Variants in SORCS3 observed in about 807,000 individuals in gnomAD.
SORCS3 encodes the protein VPS10 domain-containing receptor SorCS3.
A neutral mutation model predicts 146.3 loss-of-function variants in SORCS3; 57 were observed. The ratio of observed to expected loss-of-function variants is 0.39; its 90% CI spans 0.31 to 0.49. The LOEUF (loss-of-function observed/expected upper bound fraction) is 0.49. Among genes scored for constraint, SORCS3 ranks in the 20% least tolerant of loss-of-function variants. The pLI is 0.92. For synonymous variants in SORCS3, 653 were observed against 618.5 expected, an observed-to-expected ratio of 1.06 and a Z score of -0.83; for missense variants, 1,341 against 1,575.5, an observed-to-expected ratio of 0.85 and a Z score of 2.52.
Position 105,093,962 on chromosome 10 carries a change from A to G in SORCS3, c.1093+4123A>G, listed in dbSNP as rs1589629664. The stretch of plus-strand genomic sequence containing the variant: ...TGTCTGTAGAGATTTATTAATAATC[A>G]CCAAAAACTGGAAACAAATATCTTT... On this transcript the variant is annotated intron_variant, in intron 6 of 26. Transcript: ENST00000369701. 2.0e-5 allele frequency among the ~76,000 whole-genome samples: 3 copies of G among 152,222 alleles called. No individual in the cohort carries two copies. In the East Asian group the frequency reaches 5.8e-4, roughly 29 times the overall value.
chr10:105,100,807 T>C (rs2055779055), intron 6 of SORCS3, among the ~76,000 whole-genome samples: 1 of 152,252 alleles, frequency 6.6e-6, no homozygotes, highest in Admixed American at 6.5e-5. Context: ...CTCTTCATAA[T>C]AAAAAATAAC....
intron 4 of SORCS3, among the ~76,000 whole-genome samples, chr10:104,997,968 C>CT (rs1306874912): frequency 6.6e-6 from 1 of 152,076 alleles, no homozygotes; most frequent in East Asian, 1.9e-4. Flanking sequence ...AGGAAATGGC[C>CT]TTTGTAGACT....
chr10:105,119,016 A>G (rs1249421510), intron 7 of SORCS3, among the ~76,000 whole-genome samples: 2 of 152,230 alleles, frequency 1.3e-5, no homozygotes, highest in South Asian at 2.1e-4. Context: ...TCCAGGGCAC[A>G]TCAGAGGTCA....
chr10:104,959,651 A>G (rs554462445), intron 3 of SORCS3, among the ~76,000 whole-genome samples: 2 of 152,254 alleles, frequency 1.3e-5, no homozygotes, highest in African/African-American at 4.8e-5. Flanking sequence ...AGGGTAGAGC[A>G]AGGATCAAGG....
chr10:105,241,809 T>C (rs1237083889), intron 20 of SORCS3, among the ~76,000 whole-genome samples: 2 of 152,134 alleles, frequency 1.3e-5, no homozygotes, highest in Non-Finnish European at 2.9e-5. Context: ...ATGGGGATTG[T>C]GTGCTGACTG....
At chr10:104,888,349 G>T (rs952595399) in intron 2 of SORCS3, among the ~76,000 whole-genome samples, 1 of 152,198 alleles carries the variant, frequency 6.6e-6, no homozygotes, top group African/African-American at 2.4e-5. Flanking sequence ...AATGCTGGCC[G>T]ATCCAAGAAA....
intron 6 of SORCS3, among the ~76,000 whole-genome samples, chr10:105,100,031 T>C (rs1429039954): frequency 1.3e-5 from 2 of 152,118 alleles, no homozygotes. Context: ...CCATATGAGA[T>C]CCTTGGTCCC....
chr10:104,848,285 C>T (rs1396457508), intron 2 of SORCS3, among the ~76,000 whole-genome samples: 1 of 151,938 alleles, frequency 6.6e-6, no homozygotes, highest in African/African-American at 2.4e-5. Context: ...CACTTATTTC[C>T]TCCTTAATTG....
intron 7 of SORCS3, among the ~76,000 whole-genome samples, chr10:105,120,867 G>A (rs10884094): frequency 0.48 from 73,636 of 152,014 alleles, 18,377 homozygotes; most frequent in Non-Finnish European, 0.54. Context: ...TGTTATTGTG[G>A]TTTGGTAGAA....
intron 4 of SORCS3, among the ~76,000 whole-genome samples, chr10:105,031,360 CACAA>C (rs1237766597): frequency 3.3e-3 from 482 of 145,878 alleles, no homozygotes; most frequent in Middle Eastern, 6.9e-3. Context: ...CACACACACA[CACAA>C]AAACATGTAT....
chr10:105,251,111 G>C (rs536669919), intron 22 of SORCS3, among the ~76,000 whole-genome samples: 1 of 152,118 alleles, frequency 6.6e-6, no homozygotes, highest in Non-Finnish European at 1.5e-5. Flanking sequence ...TTGTATACCC[G>C]AAACTGGGTA....
intron 21 of SORCS3, among the ~76,000 whole-genome samples, chr10:105,246,760 C>G (rs1285412575): frequency 6.6e-6 from 1 of 152,200 alleles, no homozygotes; most frequent in Non-Finnish European, 1.5e-5. Flanking sequence ...ACTCACCAAC[C>G]AGGTCAAGAT....
intron 4 of SORCS3, among the ~76,000 whole-genome samples, chr10:105,009,797 T>G (rs1360014340): frequency 6.6e-6 from 1 of 152,148 alleles, no homozygotes; most frequent in Non-Finnish European, 1.5e-5. Flanking sequence ...CTAGCTTTTC[T>G]TTGTAGTACA....
chr10:104,847,330 C>T (rs141812330), intron 2 of SORCS3, among the ~76,000 whole-genome samples: 30 of 152,230 alleles, frequency 2.0e-4, no homozygotes, highest in East Asian at 3.9e-4. Context: ...ATTGGCAGAT[C>T]GTTTCTTGGA....
At chr10:104,920,119 C>A (rs545637780) in intron 3 of SORCS3, among the ~76,000 whole-genome samples, 121 of 152,280 alleles carry the variant, frequency 7.9e-4, no homozygotes, top group Middle Eastern at 6.8e-3. Flanking sequence ...TCTGTAGCAA[C>A]CCATTTCATC....
At chr10:104,953,858 A>C (rs2019459411) in intron 3 of SORCS3, among the ~76,000 whole-genome samples, 1 of 152,254 alleles carries the variant, frequency 6.6e-6, no homozygotes, top group Non-Finnish European at 1.5e-5. Flanking sequence ...AGTCACAGAC[A>C]TACAGAGCAA....
chr10:105,171,983 T>C (rs1431448065), intron 13 of SORCS3, among the ~76,000 whole-genome samples: 1 of 152,178 alleles, frequency 6.6e-6, no homozygotes, highest in Admixed American at 6.5e-5. Context: ...ACAGTGCTAA[T>C]TGACCTGCAA....
chr10:104,794,622 G>GGAGAGAGAGAGAGAGAGA (rs371695559), intron 1 of SORCS3, among the ~76,000 whole-genome samples: 8 of 41,342 alleles, frequency 1.9e-4, no homozygotes, highest in African/African-American at 6.7e-4. Context: ...AGAGAGGGAG[G>GGAGAGAGAGAGAGAGAGA]GAGAGAGAGA....
At chr10:105,073,959 A>G (rs961754304) in intron 5 of SORCS3, among the ~76,000 whole-genome samples, 2 of 152,168 alleles carry the variant, frequency 1.3e-5, no homozygotes, top group Non-Finnish European at 2.9e-5. Flanking sequence ...TAGGTTGTGG[A>G]ATCATTTCAA....
Sources: allele counts gnomAD v4.1 joint callset (sites outside exome capture counted in the v4.1 genomes callset), GRCh38; gene constraint gnomAD v4.1.1; transcripts MANE v1.5; gene names NCBI Gene and HGNC (gene_info 2026-07-23, HGNC 2026-07-21).